SPATA17: variants seen among roughly 807,000 people sequenced by gnomAD.
The protein encoded by SPATA17 is spermatogenesis-associated protein 17.
SPATA17 carries 53 observed loss-of-function variants against 62.2 expected under a neutral mutation model. The observed-to-expected ratio is 0.85, with a 90% CI of 0.68 to 1.07. SPATA17 has a LOEUF of 1.07. Among genes scored for constraint, SPATA17 ranks in the 50% least tolerant of loss-of-function variants. The pLI is 0.00. For synonymous variants in SPATA17, 146 were observed against 146.8 expected (o/e 0.99, Z 0.04); for missense variants, 466 against 425.5 (o/e 1.10, Z -0.84).
chr1:217,857,793 A>T (rs1052037518), intron 9 of SPATA17, among the ~76,000 whole-genome samples: 1 of 152,228 alleles, frequency 6.6e-6, no homozygotes, highest in Admixed American at 6.5e-5. Context: ...TTTTAGATTT[A>T]AAAATAAGAG....
chr1:217,864,560 C>A (rs1168149347), intron 10 of SPATA17, among the ~76,000 whole-genome samples: 1 of 151,852 alleles, frequency 6.6e-6, no homozygotes, highest in Non-Finnish European at 1.5e-5. Context: ...AACACACTTG[C>A]ACCCACTATT....
At chr1:217,809,072 C>T (rs970674895) in intron 9 of SPATA17, among the ~76,000 whole-genome samples, 25 of 151,710 alleles carry the variant, frequency 1.6e-4, no homozygotes, top group African/African-American at 6.1e-4. Flanking sequence ...AACGTTAGAC[C>T]GAAAAGAAAA....
intron 2 of SPATA17, among the ~76,000 whole-genome samples, chr1:217,650,074 G>A (rs1381013225): frequency 6.6e-6 from 1 of 151,680 alleles, no homozygotes; most frequent in Non-Finnish European, 1.5e-5. Flanking sequence ...CGGGTAGCTG[G>A]GATTACAGGC....
At chr1:217,708,924 A>T (rs948350662) in intron 5 of SPATA17, among the ~76,000 whole-genome samples, 31 of 152,258 alleles carry the variant, frequency 2.0e-4, no homozygotes, top group African/African-American at 7.5e-4. Context: ...AGAACTAAAA[A>T]CAAAAAACAG....
chr1:217,866,048 C>T (rs11117957), intron 10 of SPATA17, among the ~76,000 whole-genome samples: 1,677 of 152,198 alleles, frequency 0.011, 18 homozygotes, highest in East Asian at 0.061. Context: ...TAAATGCCAT[C>T]GTCTTTTTTC....
chr1:217,703,113 G>A (rs1326500990), intron 5 of SPATA17, among the ~76,000 whole-genome samples: 1 of 150,168 alleles, frequency 6.7e-6, no homozygotes, highest in Non-Finnish European at 1.5e-5. Flanking sequence ...TAAACTCAGT[G>A]ATACACCCGC....
Position 217,687,322 on chromosome 1 carries a change from T to C in SPATA17, c.395+3961T>C, listed in dbSNP as rs934494824. The stretch of plus-strand genomic sequence containing the variant: ...TCTCCAGTGGCTTGGCTTTTTCTTG[T>C]AGTTTAAACATAAAACAGATGTATT... On this transcript the variant is annotated intron_variant, in intron 5 of 10. Coordinates refer to ENST00000366933, the MANE Select transcript of SPATA17 (RefSeq NM_138796.4). Among the ~76,000 whole-genome samples the C allele has an allele frequency of 1.6e-4, 25 of 152,198 alleles. 1 individual carries two copies. The highest frequency in any genetic ancestry group is 1.2e-3 in the Admixed American group (19 of 15,276).
intron 5 of SPATA17, among the ~76,000 whole-genome samples, chr1:217,703,162 A>ACCATGCCTGGCATATTTCATTAC (rs1483243568): frequency 8.2e-6 from 1 of 121,862 alleles, no homozygotes; most frequent in Admixed American, 7.7e-5. Context: ...GGCGTGAGCC[A>ACCATGCCTGGCATATTTCATTAC]TTGCGCTCGG....
chr1:217,648,781 A>G (rs1341417086), intron 1 of SPATA17, 101 bp from the exon 2 acceptor site: 3 of 590,964 alleles, frequency 5.1e-6, no homozygotes, highest in Non-Finnish European at 8.5e-6. Context: ...TGAATTTATA[A>G]TTATCATCTT....
chr1:217,774,729 A>G (rs549616021), intron 7 of SPATA17, among the ~76,000 whole-genome samples, 192 bp downstream of exon 7: 1 of 152,308 alleles, frequency 6.6e-6, no homozygotes, highest in African/African-American at 2.4e-5. Flanking sequence ...TATACCCACT[A>G]AACAACTCTC....
At chr1:217,728,548 C>T (rs1672323694) in intron 5 of SPATA17, among the ~76,000 whole-genome samples, 1 of 151,942 alleles carries the variant, frequency 6.6e-6, no homozygotes, top group Non-Finnish European at 1.5e-5. Context: ...TTTGATAAAA[C>T]TCATTTGTTT....
rs550446690 is a variant in SPATA17 at position 217,871,279 on chromosome 1, T to G, written c.*4260T>G. ...TGGGGACATTATGAATCTTGTTATT[T>G]TATCCCCTTTTTTGCTCTGTTTTTT... On this transcript the variant is annotated 3_prime_UTR_variant, in exon 11 of 11. Coordinates refer to ENST00000366933, the MANE Select transcript of SPATA17 (RefSeq NM_138796.4). The G allele has an allele frequency of 6.6e-6, 1 of 152,292 alleles. No individual in the cohort carries two copies. Among genetic ancestry groups the G allele is most frequent in the East Asian group, 1.9e-4 (1 of 5,184 alleles). The allele number at this position is 152,292 out of a possible 1,614,324, so 9.4% of individuals were successfully genotyped here.
intron 5 of SPATA17, among the ~76,000 whole-genome samples, chr1:217,700,751 T>G (rs1671577292): frequency 1.0e-5 from 1 of 97,984 alleles, no homozygotes; most frequent in African/African-American, 3.9e-5. Flanking sequence ...CATGGCTAAT[T>G]TTTTCTTTTT....
At chr1:217,661,985 A>T (rs1003092091) in intron 3 of SPATA17, among the ~76,000 whole-genome samples, 1 of 152,182 alleles carries the variant, frequency 6.6e-6, no homozygotes, top group African/African-American at 2.4e-5. Flanking sequence ...GGAAATAAAA[A>T]TAAGTCATTC....
At chr1:217,703,039 C>G (rs1671638383) in intron 5 of SPATA17, among the ~76,000 whole-genome samples, 1 of 151,862 alleles carries the variant, frequency 6.6e-6, no homozygotes, top group African/African-American at 2.4e-5. Context: ...CCATATCTGG[C>G]TAATTTTTGT....
At chr1:217,792,228 G>C (rs1674010230) in intron 8 of SPATA17, among the ~76,000 whole-genome samples, 1 of 152,192 alleles carries the variant, frequency 6.6e-6, no homozygotes, top group South Asian at 2.1e-4. Flanking sequence ...GGTGTGGTCA[G>C]AGGCACAGAT....
intron 8 of SPATA17, among the ~76,000 whole-genome samples, chr1:217,790,749 T>A (rs960554236): frequency 6.6e-5 from 10 of 152,208 alleles, no homozygotes; most frequent in African/African-American, 2.4e-4. Context: ...TTTTAAAACT[T>A]TAAATATAAT....
At chr1:217,823,515 C>A (rs754075734) in intron 9 of SPATA17, among the ~76,000 whole-genome samples, 1 of 151,908 alleles carries the variant, frequency 6.6e-6, no homozygotes, top group Non-Finnish European at 1.5e-5. Context: ...ACTCTGTGGA[C>A]AAGGAAATGC....
chr1:217,795,597 T>G (rs1358225478), intron 8 of SPATA17, among the ~76,000 whole-genome samples: 1 of 152,008 alleles, frequency 6.6e-6, no homozygotes, highest in African/African-American at 2.4e-5. Flanking sequence ...CTTGCACTCC[T>G]GACCTTAGGT....
Sources: allele counts gnomAD v4.1 joint callset (sites outside exome capture counted in the v4.1 genomes callset), GRCh38; gene constraint gnomAD v4.1.1; transcripts MANE v1.5; gene names NCBI Gene and HGNC (gene_info 2026-07-23, HGNC 2026-07-21).